Variants in BCAN observed in about 807,000 individuals in gnomAD.
The protein encoded by BCAN is brevican.
In BCAN, 51 loss-of-function variants were observed where a neutral mutation model predicts 92.4. The observed-to-expected ratio is 0.55, with a 90% CI of 0.44 to 0.70. BCAN has a LOEUF of 0.70. Ranked by LOEUF, BCAN falls within the 30% of genes least tolerant of loss-of-function variation. The pLI is 0.00. For missense variants in BCAN, 1,140 were observed against 1,212.1 expected (o/e 0.94, Z 0.88); for synonymous variants, 501 against 505.2 (o/e 0.99, Z 0.11).
rs1679396530 is a variant in BCAN at position 156,658,065 on chromosome 1, T to C, written c.2293-62T>C. On this transcript the variant is annotated intron_variant, in intron 11 of 13. Transcript: ENST00000329117. The surrounding 1 kb of genome is among the most constrained non-coding windows in gnomAD (Gnocchi z 4.4). ...CTCACCAGCCCTCCTCCCCAGATCC[T>C]CTAGGCCCTCTCCCGGTGCTCCTGG... 1.9e-6 allele frequency: 3 copies of C among 1,577,756 alleles called. No individual in the cohort carries two copies. The highest frequency in any genetic ancestry group is 1.7e-4 in the Middle Eastern group (1 of 5,900).
intron 1 of BCAN, chr1:156,643,095 G>C (rs1222273970): frequency 6.6e-6 from 1 of 152,184 alleles, no homozygotes; most frequent in African/African-American, 2.4e-5. Flanking sequence ...CCAAGAGATT[G>C]GCGTCAAGTC....
chr1:156,650,960 G>A (rs912200543), intron 6 of BCAN, among the ~76,000 whole-genome samples: 1 of 152,050 alleles, frequency 6.6e-6, no homozygotes, highest in Non-Finnish European at 1.5e-5. Context: ...AAAGAATTTG[G>A]GGATACCTGG....
intron 13 of BCAN, 24 bp from the exon 14 acceptor site, chr1:156,659,003 A>G (rs772319094): frequency 1.3e-6 from 2 of 1,563,826 alleles, no homozygotes; most frequent in Non-Finnish European, 8.7e-7. Context: ...GCCAGGGTGG[A>G]GGGTGAGTGT....
intron 8 of BCAN, among the ~76,000 whole-genome samples, chr1:156,655,901 C>T (rs1326677108): frequency 2.0e-5 from 3 of 152,206 alleles, no homozygotes; most frequent in East Asian, 3.8e-4. Context: ...AAATGACCTG[C>T]CCAATATCAC....
chr1:156,658,881 G>C lies in BCAN; in HGVS notation c.2629-146G>C. ...GGCAAAGGGGAAGAGGTGGGCTGGAGGCTCTGGGGTTCCTTCAGTGCTGAT... is the reference window on the plus strand; with the variant it reads ...GGCAAAGGGGAAGAGGTGGGCTGGACGCTCTGGGGTTCCTTCAGTGCTGAT... On this transcript the variant is annotated intron_variant, in intron 13 of 13. Coordinates refer to ENST00000329117, the MANE Select transcript of BCAN (RefSeq NM_021948.5). This position sits in a 1 kb window ranked among gnomAD's most constrained non-coding sequence, Gnocchi z 4.4. The C allele has an allele frequency of 7.3e-7, 1 of 1,362,438 alleles. No individual in the cohort carries two copies. The allele number at this position is 1,362,438 out of a possible 1,614,324, so 84.4% of individuals were successfully genotyped here.
Position 156,646,884 on chromosome 1 carries a change from G to T in BCAN, c.175G>T (p.Val59Phe), listed in dbSNP as rs1422616396. The T allele has an allele frequency of 6.2e-7, 1 of 1,610,710 alleles. No homozygotes were observed. The highest frequency in any genetic ancestry group is 8.5e-7 in the Non-Finnish European group (1 of 1,178,788). Residue 59 changes from valine to phenylalanine, a missense_variant, in exon 3 of 14, where the codon GTC becomes TTC. Transcript: ENST00000329117. ...CGGCGCCCTCACCATCCCTTGCCACGTCCACTACCTGCGGCCACCGCCGAG... is the reference window on the plus strand; with the variant it reads ...CGGCGCCCTCACCATCCCTTGCCACTTCCACTACCTGCGGCCACCGCCGAG... ...LGGALTIPCHVHYLRPPPSRR... is the reference protein window; with the variant it reads ...LGGALTIPCHFHYLRPPPSRR...
Position 156,642,878 on chromosome 1 carries a change from C to G in BCAN, c.-9+603C>G, listed in dbSNP as rs1210668570. The G allele has an allele frequency of 6.6e-6, 1 of 152,214 alleles. No individual in the cohort carries two copies. The highest frequency in any genetic ancestry group is 1.9e-4 in the East Asian group (1 of 5,208). The allele number at this position is 152,214 out of a possible 1,614,324, so 9.4% of individuals were successfully genotyped here. A position where few individuals can be genotyped will look rare whatever the true frequency, so the allele number is the denominator to read the frequency against. On this transcript the variant is annotated intron_variant, in intron 1 of 13. Coordinates refer to ENST00000329117, the MANE Select transcript of BCAN (RefSeq NM_021948.5). The surrounding 1 kb of genome is among the most constrained non-coding windows in gnomAD (Gnocchi z 4.2). ...TGAGCAAAACATAAACAATCTTTTT[C>G]TCACAGTTGAGGTTATCCACAGGAA...
At position 156,652,652 on chromosome 1, in the gene BCAN, G is replaced by A. The variant is rs763578354; in HGVS notation, c.1702G>A (p.Ala568Thr). ...TLVEAREVGEATGGPELSGVP... is the reference protein window; with the variant it reads ...TLVEAREVGETTGGPELSGVP... ...GGTTGAGGCAAGAGAGGTGGGGGAG[G>A]CAACTGGTGGTCCTGAGCTATCTGG... The change falls in exon 8 of 14, where the codon GCA becomes ACA. Residue 568 changes from alanine to threonine, a missense_variant. By Grantham distance (58) the Ala-to-Thr change is moderately conservative. This residue lies in a region of BCAN where 825 missense variants were observed against 871.8 expected (regional missense o/e 0.95). Transcript: ENST00000329117. The A allele has an allele frequency of 6.2e-7, 1 of 1,613,734 alleles. No individual in the cohort carries two copies. The highest frequency in any genetic ancestry group is 8.5e-7 in the Non-Finnish European group (1 of 1,179,750).
rs41267395 is a variant in BCAN, at chr1:156,656,926, T to G, written c.2051-12T>G. ...TTTGGGGCCCTAAGATGCCCGCCCTTATGTGCCGCAGGCCTCCGCTTCTGC... is the reference window on the plus strand; with the variant it reads ...TTTGGGGCCCTAAGATGCCCGCCCTGATGTGCCGCAGGCCTCCGCTTCTGC... On this transcript the variant is annotated splice_polypyrimidine_tract_variant and intron_variant, in intron 9 of 13. Coordinates refer to ENST00000329117, the MANE Select transcript of BCAN (RefSeq NM_021948.5). The G allele has an allele frequency of 8.1e-6, 13 of 1,611,702 alleles. No individual in the cohort carries two copies. The highest frequency in any genetic ancestry group is 1.1e-5 in the Non-Finnish European group (13 of 1,178,276).
In BCAN at chr1:156,646,159, C is replaced by T. The variant is rs367869394; in HGVS notation, c.91+14C>T. The T allele has an allele frequency of 5.6e-6, 9 of 1,609,622 alleles. No homozygotes were observed. In the African/African-American group the frequency reaches 1.1e-4, roughly 19 times the overall value. On this transcript the variant is annotated intron_variant, in intron 2 of 13. Coordinates refer to ENST00000329117, the MANE Select transcript of BCAN (RefSeq NM_021948.5). ...GAGACAGCTCAGGTAAGCAACCCCA[C>T]TTGGGGTCACCGTCTCTGTCTTGTT...
rs1380343302 is a variant in BCAN at position 156,649,000 on chromosome 1, T to TCATCTAGGGTTCTAATTCTGGG, written c.1063+143_1063+164dup. On this transcript the variant is annotated intron_variant, in intron 6 of 13. Coordinates refer to ENST00000329117, the MANE Select transcript of BCAN (RefSeq NM_021948.5). ...GTGGTCGTGGGTGAAGTCCAGCTTG[T>TCATCTAGGGTTCTAATTCTGGG]CATCTAGGGTTCTAATTCTGGGCAT... is the stretch of plus-strand genomic sequence containing the variant. 3.7e-4 allele frequency: 383 copies of TCATCTAGGGTTCTAATTCTGGG among 1,046,092 alleles called. 2 individuals are homozygous for TCATCTAGGGTTCTAATTCTGGG. Among genetic ancestry groups the TCATCTAGGGTTCTAATTCTGGG allele is most frequent in the Middle Eastern group, 2.5e-3 (10 of 4,046 alleles). 64.8% of individuals were successfully genotyped at this position (1,046,092 alleles called of 1,614,324 possible).
chr1:156,658,090 G>C lies in BCAN; in HGVS notation c.2293-37G>C. 2 of 1,605,274 alleles carry C rather than the reference G, an allele frequency of 1.2e-6. No individual in the cohort carries two copies. Among genetic ancestry groups the C allele is most frequent in the Non-Finnish European group, 1.7e-6 (2 of 1,174,994 alleles). On this transcript the variant is annotated intron_variant, in intron 11 of 13. Coordinates refer to ENST00000329117, the MANE Select transcript of BCAN (RefSeq NM_021948.5). The surrounding 1 kb of genome is among the most constrained non-coding windows in gnomAD (Gnocchi z 4.4). Reference sequence around the variant, plus strand: ...TCTAGGCCCTCTCCCGGTGCTCCTGGTGTAGGAGCTCCTCACCACCTCCTC... The same window carrying C: ...TCTAGGCCCTCTCCCGGTGCTCCTGCTGTAGGAGCTCCTCACCACCTCCTC...
At chr1:156,649,029 C>T (rs1679076287) in intron 6 of BCAN, among the ~76,000 whole-genome samples, 168 bp downstream of exon 6, 1 of 152,122 alleles carries the variant, frequency 6.6e-6, no homozygotes, top group Non-Finnish European at 1.5e-5. Context: ...TGGGCATGCC[C>T]TCTGGTGTGG....
At chr1:156,652,216 C>A in intron 7 of BCAN, 32 bp from the exon 8 acceptor site, 2 of 1,549,740 alleles carry the variant, frequency 1.3e-6, no homozygotes, top group South Asian at 1.3e-5. Flanking sequence ...CAGACGCTGT[C>A]CCTGGTGCTG....
chr1:156,653,166 C>G (rs963997259), intron 8 of BCAN: 1 of 1,391,032 alleles, frequency 7.2e-7, no homozygotes, highest in Non-Finnish European at 9.3e-7. Flanking sequence ...CCACCTGTGG[C>G]TCACATCTCG....
At chr1:156,652,160 T>C (rs1679184561) in intron 7 of BCAN, 88 bp from the exon 8 acceptor site, 5 of 1,503,742 alleles carry the variant, frequency 3.3e-6, no homozygotes, top group Non-Finnish European at 4.5e-6. Flanking sequence ...CTCACCCTCC[T>C]GAGCCCTACT....
At chr1:156,657,397 G>C (rs1679371872) in intron 10 of BCAN, 2 of 550,728 alleles carry the variant, frequency 3.6e-6, no homozygotes, top group Non-Finnish European at 6.4e-6. Flanking sequence ...ACCTCCGTCG[G>C]CCTCCTCCAA....
Position 156,658,713 on chromosome 1 carries a change from TCCTGTGTGCCCAGAAGA to T in BCAN, c.2615_2628+3del. 1 of 1,613,986 alleles carries T rather than the reference TCCTGTGTGCCCAGAAGA, an allele frequency of 6.2e-7. No individual in the cohort carries two copies. The highest frequency in any genetic ancestry group is 8.5e-7 in the Non-Finnish European group (1 of 1,180,018). On this transcript the variant is annotated frameshift_variant, in exon 13 of 14. Transcript: ENST00000329117. LOFTEE classifies it low-confidence loss of function (END_TRUNC). This position sits in a 1 kb window ranked among gnomAD's most constrained non-coding sequence, Gnocchi z 4.4. Reference sequence around the variant, plus strand: ...CGGTCGTTGGGAGGCCCCCCAGATCTCCTGTGTGCCCAGAAGACCTGTGAGTGCCAGGAAGAGGCAGG... The same window carrying T: ...CGGTCGTTGGGAGGCCCCCCAGATCTCCTGTGAGTGCCAGGAAGAGGCAGG...
chr1:156,657,163 C>T (rs1435015258), intron 10 of BCAN, 67 bp downstream of exon 10: 2 of 1,572,236 alleles, frequency 1.3e-6, no homozygotes, highest in Admixed American at 1.7e-5. Flanking sequence ...CTCGCCTAAC[C>T]GCCTTCCTCA....
Sources: gnomAD v4.1 joint callset for allele counts (sites outside exome capture counted in the v4.1 genomes callset) on GRCh38, gnomAD v4.1.1 for gene constraint, gnomAD v4.1.1 regional missense constraint, Gnocchi (gnomAD v3.1) non-coding constraint, MANE v1.5 for transcripts, NCBI Gene and HGNC (gene_info 2026-07-23, HGNC 2026-07-21) for gene names.